The following GRIN3A variants were observed in gnomAD, a reference collection of about 807,000 sequenced individuals.
GRIN3A encodes glutamate ionotropic receptor NMDA type subunit 3A.
Under a neutral mutation model 92.4 loss-of-function variants are expected in GRIN3A, and 47 were observed. The observed-to-expected ratio is 0.51, with a 90% CI of 0.40 to 0.65. The LOEUF is 0.65. GRIN3A is among the 30% of genes least tolerant of loss of function. The pLI is 0.00. For synonymous variants in GRIN3A, 527 were observed against 540.6 expected, an observed-to-expected ratio of 0.97 and a Z score of 0.35; for missense variants, 1,324 against 1,393.1, an observed-to-expected ratio of 0.95 and a Z score of 0.79.
intron 3 of GRIN3A, among the ~76,000 whole-genome samples, chr9:101,636,686 G>A (rs1202210334): frequency 6.6e-6 from 1 of 152,126 alleles, no homozygotes; most frequent in East Asian, 1.9e-4. Context: ...GATAAGATAG[G>A]CATTACTCAA....
At chr9:101,577,659 T>C (rs916804683) in intron 8 of GRIN3A, 109 bp downstream of exon 8, 38 of 848,518 alleles carry the variant, frequency 4.5e-5, no homozygotes, top group Middle Eastern at 4.4e-4. Flanking sequence ...CCTCTATTTA[T>C]ACTGATTCTT....
chr9:101,586,524 G>A (rs1307160535), intron 6 of GRIN3A, among the ~76,000 whole-genome samples: 1 of 152,156 alleles, frequency 6.6e-6, no homozygotes, highest in East Asian at 1.9e-4. Flanking sequence ...CAATTAAAAG[G>A]AGAGGAAACA....
intron 1 of GRIN3A, among the ~76,000 whole-genome samples, chr9:101,716,378 T>A (rs1021819584): frequency 6.6e-6 from 1 of 152,240 alleles, no homozygotes; most frequent in Non-Finnish European, 1.5e-5. Context: ...TGTCAGCTGC[T>A]GTCATTAATC....
chr9:101,598,064 C>T (rs1828162831), intron 6 of GRIN3A, among the ~76,000 whole-genome samples: 1 of 152,120 alleles, frequency 6.6e-6, no homozygotes, highest in East Asian at 1.9e-4. Flanking sequence ...GAATAATAAT[C>T]TATAGCAGTG....
At chr9:101,602,287 A>G (rs1325074904) in intron 6 of GRIN3A, among the ~76,000 whole-genome samples, 1 of 152,178 alleles carries the variant, frequency 6.6e-6, no homozygotes, top group Non-Finnish European at 1.5e-5. Flanking sequence ...CTTTTGTGAG[A>G]AAGAAAAAAG....
intron 1 of GRIN3A, among the ~76,000 whole-genome samples, chr9:101,723,571 C>T (rs1830042166): frequency 6.6e-6 from 1 of 152,166 alleles, no homozygotes; most frequent in South Asian, 2.1e-4. Flanking sequence ...TGCTTTTATT[C>T]TCTTATCTGG....
chr9:101,602,484 G>A (rs1437911159), intron 6 of GRIN3A, among the ~76,000 whole-genome samples: 2 of 152,162 alleles, frequency 1.3e-5, no homozygotes, highest in African/African-American at 2.4e-5. Flanking sequence ...AGACTTTAGT[G>A]CATGGAAGTC....
rs34048066 is a variant in GRIN3A at position 101,719,418 on chromosome 9, TAA to T, written c.699+17861_699+17862del. Reference sequence around the variant, plus strand: ...CAGGCAACAGTGTGAGACTCCATCTTAAAAAAAAAAAAAAAAGGTGGTAAAGG... The same window carrying T: ...CAGGCAACAGTGTGAGACTCCATCTTAAAAAAAAAAAAAAGGTGGTAAAGG... On this transcript the variant is annotated intron_variant, in intron 1 of 8. Transcript: ENST00000361820. Among the ~76,000 whole-genome samples, 186 of 139,914 alleles carry T rather than the reference TAA, an allele frequency of 1.3e-3. 1 individual carries two copies. The highest frequency in any genetic ancestry group is 1.5e-3 in the Admixed American group (21 of 14,200). 91.8% of individuals were successfully genotyped at this position (139,914 alleles called of 152,430 possible).
At chr9:101,590,292 A>G (rs4743473) in intron 6 of GRIN3A, among the ~76,000 whole-genome samples, 84,395 of 151,888 alleles carry the variant, frequency 0.56, 23,650 homozygotes, top group African/African-American at 0.58. Flanking sequence ...GGCAGCAGAG[A>G]AGTCCGGTCT....
At chr9:101,582,007 C>T (rs891645880) in intron 6 of GRIN3A, among the ~76,000 whole-genome samples, 1 of 152,098 alleles carries the variant, frequency 6.6e-6, no homozygotes, top group African/African-American at 2.4e-5. Flanking sequence ...ATAACTTGTC[C>T]AAGGTCACAT....
chr9:101,631,770 A>C (rs2118884418), intron 3 of GRIN3A, among the ~76,000 whole-genome samples: 1 of 152,336 alleles, frequency 6.6e-6, no homozygotes. Flanking sequence ...AGACTCCAGG[A>C]GAGAAAGCAT....
intron 2 of GRIN3A, among the ~76,000 whole-genome samples, chr9:101,680,222 T>C (rs556057869): frequency 6.6e-6 from 1 of 152,332 alleles, no homozygotes; most frequent in Admixed American, 6.5e-5. Context: ...TATCCAAAAT[T>C]AGAATTATAG....
Position 101,686,838 on chromosome 9 carries a change from C to T in GRIN3A, c.1062G>A (p.Trp354Ter), listed in dbSNP as rs1333743822. 2 of 1,614,072 alleles carry T rather than the reference C, an allele frequency of 1.2e-6. No individual in the cohort carries two copies. Among genetic ancestry groups the T allele is most frequent in the Non-Finnish European group, 1.7e-6 (2 of 1,180,062 alleles). The change falls in exon 2 of 9, where the codon TGG (tryptophan) becomes TGA (stop). Residue 354 changes from tryptophan (W) to a stop codon, truncating the protein, a stop_gained. Coordinates refer to ENST00000361820, the MANE Select transcript of GRIN3A (RefSeq NM_133445.3). LOFTEE classifies it high-confidence loss of function. ...QFGVMPPELR[W>*]VLGDSQNVEE... ...CCACATTCTGGGAATCTCCCAGCAC[C>T]CAACGAAGTTCAGGGGGCATGACCC...
intron 4 of GRIN3A, among the ~76,000 whole-genome samples, chr9:101,626,795 G>A (rs1477608117): frequency 6.6e-6 from 1 of 152,198 alleles, no homozygotes; most frequent in East Asian, 1.9e-4. Flanking sequence ...GCAGCAGTTG[G>A]ATTCCAGAGA....
At chr9:101,637,963 TG>T (rs1828806469) in intron 3 of GRIN3A, among the ~76,000 whole-genome samples, 2 of 148,658 alleles carry the variant, frequency 1.3e-5, no homozygotes, top group Admixed American at 1.3e-4. Context: ...CACCTGAATA[TG>T]GCTAATAAAA....
At chr9:101,623,052 G>A (rs1828579680) in intron 5 of GRIN3A, among the ~76,000 whole-genome samples, 1 of 151,042 alleles carries the variant, frequency 6.6e-6, no homozygotes, top group African/African-American at 2.4e-5. Context: ...TTATTACACT[G>A]TGCCACCACT....
At chr9:101,729,011 G>A (rs928913388) in intron 1 of GRIN3A, among the ~76,000 whole-genome samples, 11 of 152,150 alleles carry the variant, frequency 7.2e-5, no homozygotes, top group African/African-American at 1.9e-4. Flanking sequence ...TTGAATCCAC[G>A]TCCAGGTAGA....
intron 3 of GRIN3A, among the ~76,000 whole-genome samples, chr9:101,658,770 C>G (rs1402500477): frequency 1.3e-5 from 2 of 151,798 alleles, no homozygotes; most frequent in South Asian, 2.1e-4. Context: ...GTCTATCTAT[C>G]TATCTATCTA....
In GRIN3A at chr9:101,683,872, G is replaced by C. The variant is rs112079588; in HGVS notation, c.1304+2724C>G. On this transcript the variant is annotated intron_variant, in intron 2 of 8. Transcript: ENST00000361820. ...TGAGAGAGAGAGAGAGAGAGAGAGAGAGAGAGAGCGAGAGAGAAAGAAAAC... is the reference window on the plus strand; with the variant it reads ...TGAGAGAGAGAGAGAGAGAGAGAGACAGAGAGAGCGAGAGAGAAAGAAAAC... Among the ~76,000 whole-genome samples, 1,090 of 151,878 alleles carry C rather than the reference G, an allele frequency of 7.2e-3. 12 individuals carry two copies. The highest frequency in any genetic ancestry group is 0.025 in the African/African-American group (1,052 of 41,384).
Sources: allele counts gnomAD v4.1 joint callset (sites outside exome capture counted in the v4.1 genomes callset), GRCh38; gene constraint gnomAD v4.1.1; transcripts MANE v1.5; gene names NCBI Gene and HGNC (gene_info 2026-07-23, HGNC 2026-07-21).